RAB38: variants seen among roughly 807,000 people sequenced by gnomAD.
The protein encoded by RAB38 is ras-related protein Rab-38.
RAB38 carries 15 observed loss-of-function variants against 18.4 expected under a neutral mutation model. The observed-to-expected ratio is 0.82, with a 90% CI of 0.55 to 1.26. RAB38 has a LOEUF of 1.26. Among genes scored for constraint, RAB38 ranks in the 50% most tolerant of loss-of-function variants. RAB38 has a pLI of 0.00. For synonymous variants in RAB38, 101 were observed against 104.4 expected, an observed-to-expected ratio of 0.97 and a Z score of 0.20; for missense variants, 294 against 267.4, an observed-to-expected ratio of 1.10 and a Z score of -0.69.
At chr11:88,006,284 C>T in the RAB38 span, among the ~76,000 whole-genome samples, 123 of 151,404 alleles carry the variant, frequency 8.1e-4, 1 homozygote, top group South Asian at 0.025. Flanking sequence ...CAAGTGTTAG[C>T]AACAATGTGG....
At chr11:87,970,692 G>A in the RAB38 span, among the ~76,000 whole-genome samples, 1 of 152,074 alleles carries the variant, frequency 6.6e-6, no homozygotes, top group South Asian at 2.1e-4. Context: ...AGTTGGAGAA[G>A]GGCGCTAGGG....
chr11:88,106,765 A>G, the RAB38 span, among the ~76,000 whole-genome samples: 5 of 152,196 alleles, frequency 3.3e-5, no homozygotes, highest in Non-Finnish European at 5.9e-5. Flanking sequence ...TTAGTTTATC[A>G]GCATTTCTGA....
chr11:87,945,599 C>G, the RAB38 span, among the ~76,000 whole-genome samples: 1 of 152,044 alleles, frequency 6.6e-6, no homozygotes, highest in East Asian at 1.9e-4. Context: ...AGAGAGGTTC[C>G]TACTAAAGCC....
chr11:87,970,045 A>G, the RAB38 span, among the ~76,000 whole-genome samples: 1 of 152,112 alleles, frequency 6.6e-6, no homozygotes, highest in Non-Finnish European at 1.5e-5. Context: ...GGCAGAATCA[A>G]GAGATTCAAA....
the RAB38 span, among the ~76,000 whole-genome samples, chr11:87,971,719 G>A: frequency 1.3e-5 from 2 of 152,016 alleles, no homozygotes; most frequent in Non-Finnish European, 2.9e-5. Context: ...AGTGAGTGTG[G>A]GAACAAGATA....
At chr11:87,841,221 G>C in the RAB38 span, among the ~76,000 whole-genome samples, 2 of 152,136 alleles carry the variant, frequency 1.3e-5, no homozygotes, top group South Asian at 4.1e-4. Context: ...ATTCTCATGT[G>C]TCATGAGAGG....
At chr11:87,878,630 T>A in the RAB38 span, among the ~76,000 whole-genome samples, 3 of 151,652 alleles carry the variant, frequency 2.0e-5, no homozygotes, top group African/African-American at 7.3e-5. Flanking sequence ...TTGCTGACAG[T>A]GAGGCTGTGC....
At chr11:87,967,380 C>G in the RAB38 span, among the ~76,000 whole-genome samples, 1 of 152,074 alleles carries the variant, frequency 6.6e-6, no homozygotes, top group African/African-American at 2.4e-5. Context: ...AACTTCAGAG[C>G]CTTCTGGGGT....
chr11:88,043,981 A>G, the RAB38 span, among the ~76,000 whole-genome samples: 2 of 151,628 alleles, frequency 1.3e-5, no homozygotes, highest in African/African-American at 2.4e-5. Flanking sequence ...CTCTTCTCCA[A>G]CCTCTCTCAC....
the RAB38 span, among the ~76,000 whole-genome samples, chr11:88,046,925 G>T: frequency 5.3e-5 from 8 of 152,066 alleles, no homozygotes; most frequent in African/African-American, 1.9e-4. Context: ...ACCCACAGCT[G>T]AAGTGCAGGG....
At chr11:87,906,811 C>G in the RAB38 span, among the ~76,000 whole-genome samples, 3 of 151,780 alleles carry the variant, frequency 2.0e-5, no homozygotes, top group African/African-American at 7.2e-5. Flanking sequence ...ACACAATTTT[C>G]TCTAGCTTGC....
the RAB38 span, among the ~76,000 whole-genome samples, chr11:87,877,347 C>G: frequency 0.31 from 47,645 of 151,274 alleles, 9,897 homozygotes; most frequent in African/African-American, 0.58. Context: ...TTTCTCATCT[C>G]AAATATGGGA....
chr11:87,961,210 C>T, the RAB38 span, among the ~76,000 whole-genome samples: 1 of 152,080 alleles, frequency 6.6e-6, no homozygotes, highest in Non-Finnish European at 1.5e-5. Context: ...ACACTTTGAT[C>T]CCAGCCAGAG....
the RAB38 span, among the ~76,000 whole-genome samples, chr11:87,904,257 A>C: frequency 6.6e-6 from 1 of 151,620 alleles, no homozygotes; most frequent in African/African-American, 2.4e-5. Flanking sequence ...TCTCCCCCTC[A>C]GTAGTTCCCA....
chr11:87,821,850 TAAAA>T, the RAB38 span, among the ~76,000 whole-genome samples: 1 of 130,778 alleles, frequency 7.6e-6, no homozygotes. Flanking sequence ...CACTCCGTCT[TAAAA>T]AAAAAAAAAA....
At chr11:88,085,265 T>A in the RAB38 span, among the ~76,000 whole-genome samples, 2 of 151,854 alleles carry the variant, frequency 1.3e-5, no homozygotes, top group East Asian at 3.9e-4. Context: ...ACCCTTCTGG[T>A]CAAATCCAAC....
the RAB38 span, among the ~76,000 whole-genome samples, chr11:87,963,253 C>T: frequency 6.6e-6 from 1 of 152,042 alleles, no homozygotes; most frequent in Non-Finnish European, 1.5e-5. Flanking sequence ...TAAACATATC[C>T]ACAGAGCCCT....
the RAB38 span, among the ~76,000 whole-genome samples, chr11:87,846,061 A>G: frequency 6.6e-6 from 1 of 152,104 alleles, no homozygotes; most frequent in East Asian, 1.9e-4. Flanking sequence ...AGTTAGGTGT[A>G]TATATTGTAA....
At chr11:87,954,256 C>G in the RAB38 span, among the ~76,000 whole-genome samples, 1 of 152,110 alleles carries the variant, frequency 6.6e-6, no homozygotes, top group Admixed American at 6.6e-5. Context: ...CTGCTGAACT[C>G]AGGGGTGAGC....
Sources: allele counts gnomAD v4.1 joint callset (sites outside exome capture counted in the v4.1 genomes callset), GRCh38; gene constraint gnomAD v4.1.1; transcripts MANE v1.5; gene names NCBI Gene and HGNC (gene_info 2026-07-23, HGNC 2026-07-21).